The following KCNN2 variants were observed in gnomAD, a reference collection of about 807,000 sequenced individuals.
The protein encoded by KCNN2 is potassium calcium-activated channel subfamily N member 2, also known as small conductance calcium-activated potassium channel protein 2.
In KCNN2, 24 loss-of-function variants were observed where a neutral mutation model predicts 55.5. That is an observed-to-expected ratio of 0.43 (90% CI 0.31 to 0.61). The LOEUF (loss-of-function observed/expected upper bound fraction) is 0.61. KCNN2 is among the 20% of genes least tolerant of loss of function. The probability of loss-of-function intolerance (pLI) is 0.08; values close to 1 mark genes in which losing one functional copy is unlikely to be tolerated. For missense variants in KCNN2, 754 were observed against 853.6 expected, an observed-to-expected ratio of 0.88 and a Z score of 1.45; for synonymous variants, 431 against 336.1, an observed-to-expected ratio of 1.28 and a Z score of -3.09.
intron 5 of KCNN2, among the ~76,000 whole-genome samples, chr5:114,484,936 A>T (rs1424546742): frequency 6.6e-6 from 1 of 152,194 alleles, no homozygotes; most frequent in East Asian, 1.9e-4. Context: ...AGCCTGTAAC[A>T]TAAGGCCTCG....
intron 2 of KCNN2, among the ~76,000 whole-genome samples, chr5:114,334,790 T>A (rs1723022604): frequency 6.6e-6 from 1 of 152,198 alleles, no homozygotes; most frequent in South Asian, 2.1e-4. Context: ...GAGTAAAAAC[T>A]ACCTACCCAT....
chr5:114,308,220 A>C (rs1244391217), intron 2 of KCNN2, among the ~76,000 whole-genome samples: 1 of 152,150 alleles, frequency 6.6e-6, no homozygotes, highest in Non-Finnish European at 1.5e-5. Context: ...CTGCATTGCT[A>C]TTTGACTGGT....
intron 2 of KCNN2, among the ~76,000 whole-genome samples, chr5:114,239,592 G>A (rs972403969): frequency 1.1e-4 from 17 of 152,186 alleles, no homozygotes; most frequent in Admixed American, 5.2e-4. Flanking sequence ...CTTGAGAAGA[G>A]ACAAATTAAG....
At chr5:114,235,632 C>A (rs757521220) in intron 2 of KCNN2, among the ~76,000 whole-genome samples, 21 of 152,114 alleles carry the variant, frequency 1.4e-4, no homozygotes, top group Non-Finnish European at 2.2e-4. Context: ...TCTGGGTGAA[C>A]AGGTTTAAGA....
chr5:114,490,743 T>C (rs1054578690), intron 6 of KCNN2: 3 of 398,092 alleles, frequency 7.5e-6, no homozygotes, highest in Non-Finnish European at 8.9e-6. Context: ...CAGAATTTTC[T>C]ACTGGCTGCA....
At chr5:114,373,797 G>T in intron 2 of KCNN2, among the ~76,000 whole-genome samples, 1 of 145,336 alleles carries the variant, frequency 6.9e-6, no homozygotes, top group Non-Finnish European at 1.5e-5. Flanking sequence ...AGAAAACTGT[G>T]ATTTTTTTTT....
At chr5:114,422,007 T>G (rs1759485007) in intron 3 of KCNN2, among the ~76,000 whole-genome samples, 1 of 152,246 alleles carries the variant, frequency 6.6e-6, no homozygotes. Flanking sequence ...GCCAAGGTAT[T>G]TGAACCACCC....
At chr5:114,214,540 A>G (rs1753962318) in intron 1 of KCNN2, among the ~76,000 whole-genome samples, 1 of 152,084 alleles carries the variant, frequency 6.6e-6, no homozygotes. Flanking sequence ...AAAATTGACT[A>G]AGAGGAAAAA....
intron 2 of KCNN2, among the ~76,000 whole-genome samples, chr5:114,367,059 T>C (rs991380271): frequency 6.6e-6 from 1 of 152,204 alleles, no homozygotes; most frequent in Non-Finnish European, 1.5e-5. Context: ...AATTGCTTAA[T>C]GAAGCAAGAG....
intron 1 of KCNN2, among the ~76,000 whole-genome samples, chr5:114,206,572 T>C (rs1046513155): frequency 2.6e-5 from 4 of 152,116 alleles, no homozygotes; most frequent in Non-Finnish European, 1.5e-5. Context: ...ATACCTCTTT[T>C]CTCTTCCCAT....
intron 2 of KCNN2, among the ~76,000 whole-genome samples, chr5:114,384,110 G>A (rs565166284): frequency 2.0e-5 from 3 of 152,246 alleles, no homozygotes; most frequent in South Asian, 4.1e-4. Context: ...TTACTGTTAG[G>A]TGTGATTTTA....
intron 4 of KCNN2, among the ~76,000 whole-genome samples, chr5:114,470,418 G>C (rs371693945): frequency 6.6e-6 from 1 of 152,138 alleles, no homozygotes; most frequent in Non-Finnish European, 1.5e-5. Flanking sequence ...GTACCTAGGA[G>C]CATATCTACA....
intron 1 of KCNN2, among the ~76,000 whole-genome samples, chr5:114,148,194 A>T (rs772819971): frequency 6.6e-6 from 1 of 152,122 alleles, no homozygotes. Context: ...AATATGAAAA[A>T]AGTAGTCCTT....
At chr5:114,196,948 T>G (rs1753570180) in intron 1 of KCNN2, among the ~76,000 whole-genome samples, 1 of 152,068 alleles carries the variant, frequency 6.6e-6, no homozygotes, top group Admixed American at 6.5e-5. Context: ...TTGATTGAGA[T>G]CTTTCTCAAT....
chr5:114,159,741 T>C (rs536152208), intron 1 of KCNN2, among the ~76,000 whole-genome samples: 2 of 152,330 alleles, frequency 1.3e-5, no homozygotes, highest in Non-Finnish European at 2.9e-5. Context: ...GGAGGGTGTA[T>C]GTGTCGAGGA....
intron 2 of KCNN2, among the ~76,000 whole-genome samples, chr5:114,381,596 A>G (rs1241135891): frequency 3.3e-5 from 5 of 152,188 alleles, no homozygotes; most frequent in Non-Finnish European, 5.9e-5. Context: ...AGCATGTCCT[A>G]CTGTGATCGT....
At position 114,345,187 on chromosome 5, in the gene KCNN2, A is replaced by G. The variant is rs1368902085; in HGVS notation, c.-184-15758A>G. Reference sequence around the variant, plus strand: ...TGGATTCATATAGATACATTTCCAAAATATCTTGTTAAGTGAAAAAAGTAA... The same window carrying G: ...TGGATTCATATAGATACATTTCCAAGATATCTTGTTAAGTGAAAAAAGTAA... On this transcript the variant is annotated intron_variant, in intron 2 of 10. Transcript: ENST00000512097. Among the ~76,000 whole-genome samples, 26 of 152,320 alleles carry G rather than the reference A, an allele frequency of 1.7e-4. No homozygotes were observed. The South Asian group carries it at 4.6e-3, about 27-fold the overall frequency.
chr5:114,084,410 A>G (rs973527160), intron 1 of KCNN2, among the ~76,000 whole-genome samples: 3 of 151,950 alleles, frequency 2.0e-5, no homozygotes, highest in African/African-American at 4.8e-5. Context: ...TTAATATGCA[A>G]TTTCTTAATG....
intron 1 of KCNN2, among the ~76,000 whole-genome samples, chr5:114,114,240 T>A (rs1254797350): frequency 6.6e-6 from 1 of 151,980 alleles, no homozygotes; most frequent in African/African-American, 2.4e-5. Flanking sequence ...CATCAAAACA[T>A]TTTTTTAGAG....
Sources: gnomAD v4.1 joint callset for allele counts (sites outside exome capture counted in the v4.1 genomes callset) on GRCh38, gnomAD v4.1.1 for gene constraint, MANE v1.5 for transcripts, NCBI Gene and HGNC (gene_info 2026-07-23, HGNC 2026-07-21) for gene names.